Variants in WARS1 observed in about 807,000 individuals in gnomAD.
WARS1 encodes tryptophan--tRNA ligase, cytoplasmic.
A neutral mutation model predicts 47.8 loss-of-function variants in WARS1; 17 were observed. The ratio of observed to expected loss-of-function variants is 0.36; its 90% CI spans 0.24 to 0.53. WARS1 has a LOEUF of 0.53. WARS1 is among the 20% of genes least tolerant of loss of function. The probability of loss-of-function intolerance (pLI) is 0.91; values close to 1 mark genes in which losing one functional copy is unlikely to be tolerated. For synonymous variants in WARS1, 208 were observed against 228.1 expected, an observed-to-expected ratio of 0.91 and a Z score of 0.79; for missense variants, 434 against 608.0, an observed-to-expected ratio of 0.71 and a Z score of 3.01.
intron 4 of WARS1, among the ~76,000 whole-genome samples, chr14:100,359,217 A>C (rs1460843996): frequency 6.6e-6 from 1 of 152,260 alleles, no homozygotes; most frequent in Non-Finnish European, 1.5e-5. Flanking sequence ...ACTTGTATAC[A>C]AATGGTCAGA....
chr14:100,338,758 A>T (rs1386282369), intron 9 of WARS1, among the ~76,000 whole-genome samples: 3 of 151,638 alleles, frequency 2.0e-5, no homozygotes, highest in African/African-American at 4.8e-5. Context: ...ATGGGAAAAA[A>T]GGTGGGCAGA....
intron 5 of WARS1, 143 bp from the exon 6 acceptor site, chr14:100,354,012 A>G: frequency 1.4e-6 from 1 of 731,474 alleles, no homozygotes; most frequent in Non-Finnish European, 2.2e-6. Context: ...TGTGATATGA[A>G]TTTGACTATG....
intron 4 of WARS1, among the ~76,000 whole-genome samples, chr14:100,356,256 T>C (rs1292746963): frequency 6.6e-6 from 1 of 152,154 alleles, no homozygotes; most frequent in Non-Finnish European, 1.5e-5. Flanking sequence ...GCCAAGAGGC[T>C]ACAGTATTAC....
Position 100,339,126 on chromosome 14 carries a change from C to CACAT in WARS1, c.1114-1925_1114-1924insATGT, listed in dbSNP as rs1555377673. ...CATCACACACACACACACACACATACACACACACACACACACACACAGAAT... is the reference window on the plus strand; with the variant it reads ...CATCACACACACACACACACACATACACATACACACACACACACACACACAGAAT... On this transcript the variant is annotated intron_variant, in intron 9 of 10. Coordinates refer to ENST00000392882, the MANE Select transcript of WARS1 (RefSeq NM_004184.4). 1.1e-3 allele frequency among the ~76,000 whole-genome samples: 141 copies of CACAT among 130,638 alleles called. 2 individuals carry two copies. Among genetic ancestry groups the CACAT allele is most frequent in the African/African-American group, 2.8e-3 (81 of 29,196 alleles). The allele number at this position is 130,638 out of a possible 152,430, so 85.7% of individuals were successfully genotyped here.
intron 10 of WARS1, among the ~76,000 whole-genome samples, chr14:100,335,596 T>C (rs2139868653): frequency 6.6e-6 from 1 of 152,222 alleles, no homozygotes; most frequent in Admixed American, 6.5e-5. Flanking sequence ...CAGGCTGGTC[T>C]CGATCTCCTG....
chr14:100,347,303 C>T (rs541012850), intron 6 of WARS1, among the ~76,000 whole-genome samples: 38 of 152,180 alleles, frequency 2.5e-4, no homozygotes, highest in African/African-American at 6.8e-4. Flanking sequence ...TAGAAACCCA[C>T]GGCCCGAGAA....
rs184214269 is a variant in WARS1, at chr14:100,351,843, A to G, written c.725+1844T>C. 2.8e-3 allele frequency among the ~76,000 whole-genome samples: 428 copies of G among 151,942 alleles called. 4 individuals carry two copies. The highest frequency in any genetic ancestry group is 4.6e-3 in the Non-Finnish European group (311 of 67,952). ...CCCGTCTCTACTAAAAATACAAAAA[A>G]TTAGCCGGACATGGTGGCGGGCACC... is the stretch of plus-strand genomic sequence containing the variant. On this transcript the variant is annotated intron_variant, in intron 6 of 10. Transcript: ENST00000392882.
chr14:100,353,218 A>G (rs1895103944), intron 6 of WARS1: 1 of 153,514 alleles, frequency 6.5e-6, no homozygotes, highest in African/African-American at 2.4e-5. Flanking sequence ...TTTCAAAATT[A>G]TTGGTAAATA....
At chr14:100,369,709 G>A (rs867244680) in intron 1 of WARS1, among the ~76,000 whole-genome samples, 1 of 149,624 alleles carries the variant, frequency 6.7e-6, no homozygotes, top group Non-Finnish European at 1.5e-5. Context: ...ATGGAGTCTC[G>A]CTCTGCCACC....
intron 6 of WARS1, among the ~76,000 whole-genome samples, chr14:100,347,134 G>T (rs1894674035): frequency 6.6e-6 from 1 of 152,260 alleles, no homozygotes; most frequent in African/African-American, 2.4e-5. Context: ...AACACAAGCA[G>T]ATTCAGAGAC....
rs545797626 is a variant in WARS1, at chr14:100,337,732, C to T, written c.1114-530G>A. Reference sequence around the variant, plus strand: ...GAATTAGCTGGTGTGGTGACGTGCGCCTGTAGTCCTAGCGACTCGGGAGGC... The same window carrying T: ...GAATTAGCTGGTGTGGTGACGTGCGTCTGTAGTCCTAGCGACTCGGGAGGC... On this transcript the variant is annotated intron_variant, in intron 9 of 10. Coordinates refer to ENST00000392882, the MANE Select transcript of WARS1 (RefSeq NM_004184.4). Among the ~76,000 whole-genome samples, 9 of 150,484 alleles carry T rather than the reference C, an allele frequency of 6.0e-5. No individual in the cohort carries two copies. In the East Asian group the frequency reaches 1.8e-3, roughly 29 times the overall value.
At chr14:100,342,046 C>T in intron 9 of WARS1, 2 of 321,502 alleles carry the variant, frequency 6.2e-6, no homozygotes, top group South Asian at 5.3e-5. Flanking sequence ...GAAATATACA[C>T]AAATCTTTTC....
chr14:100,334,775 A>G lies in WARS1; in HGVS notation c.*100T>C. On this transcript the variant is annotated 3_prime_UTR_variant, in exon 11 of 11. Coordinates refer to ENST00000392882, the MANE Select transcript of WARS1 (RefSeq NM_004184.4). ...ACAGAGGCCAGGCCCAGTAATTACCATGAGACAGAAGCCTACAGGTGGCGG... is the reference window on the plus strand; with the variant it reads ...ACAGAGGCCAGGCCCAGTAATTACCGTGAGACAGAAGCCTACAGGTGGCGG... The G allele has an allele frequency of 7.0e-7, 1 of 1,433,262 alleles. No homozygotes were observed. Among genetic ancestry groups the G allele is most frequent in the Non-Finnish European group, 9.6e-7 (1 of 1,046,414 alleles). The allele number at this position is 1,433,262 out of a possible 1,614,324, so 88.8% of individuals were successfully genotyped here. A position where few individuals can be genotyped will look rare whatever the true frequency, so the allele number is the denominator to read the frequency against.
At chr14:100,366,737 G>GA in intron 2 of WARS1, 1 of 861,282 alleles carries the variant, frequency 1.2e-6, no homozygotes, top group Non-Finnish European at 2.0e-6. Flanking sequence ...GAAGCTGGCT[G>GA]AAAAAGGGCT....
intron 7 of WARS1, among the ~76,000 whole-genome samples, chr14:100,345,972 C>T (rs561279989): frequency 2.5e-4 from 38 of 152,332 alleles, no homozygotes; most frequent in African/African-American, 8.4e-4. Context: ...GGTGAACGCT[C>T]CTCACGGAGA....
chr14:100,349,076 C>T (rs1894809875), intron 6 of WARS1, among the ~76,000 whole-genome samples: 1 of 152,176 alleles, frequency 6.6e-6, no homozygotes, highest in African/African-American at 2.4e-5. Context: ...TCACATGTGG[C>T]TGAACCACCA....
chr14:100,356,601 AT>A (rs1181256315), intron 4 of WARS1, among the ~76,000 whole-genome samples: 19 of 152,216 alleles, frequency 1.2e-4, no homozygotes, highest in African/African-American at 4.6e-4. Flanking sequence ...CCAAGAAGAA[AT>A]AGAAAATATA....
chr14:100,352,624 G>A (rs1895069079), intron 6 of WARS1, among the ~76,000 whole-genome samples: 1 of 152,140 alleles, frequency 6.6e-6, no homozygotes, highest in Non-Finnish European at 1.5e-5. Flanking sequence ...CACTCCTCCT[G>A]GGGAATCACT....
At chr14:100,369,344 C>A in intron 1 of WARS1, 86 bp from the exon 2 acceptor site, 1 of 370,524 alleles carries the variant, frequency 2.7e-6, no homozygotes, top group East Asian at 4.4e-5. Context: ...GTATTGAGTC[C>A]TTTTTTCCGA....
Sources: allele counts gnomAD v4.1 joint callset (sites outside exome capture counted in the v4.1 genomes callset), GRCh38; gene constraint gnomAD v4.1.1; transcripts MANE v1.5; gene names NCBI Gene and HGNC (gene_info 2026-07-23, HGNC 2026-07-21).